The following LONP2 variants were observed in gnomAD, a reference collection of about 807,000 sequenced individuals.
The protein encoded by LONP2 is lon protease homolog 2, peroxisomal.
Under a neutral mutation model 85.6 loss-of-function variants are expected in LONP2, and 60 were observed. The ratio of observed to expected loss-of-function variants is 0.70; its 90% CI spans 0.57 to 0.87. The LOEUF is 0.87. Ranked by LOEUF, LONP2 falls within the 40% of genes least tolerant of loss-of-function variation. The pLI, the probability that LONP2 is intolerant of heterozygous loss-of-function variation, is 0.00. For synonymous variants in LONP2, 395 were observed against 389.7 expected, an observed-to-expected ratio of 1.01 and a Z score of -0.16; for missense variants, 860 against 1,063.5, an observed-to-expected ratio of 0.81 and a Z score of 2.66.
intron 11 of LONP2, among the ~76,000 whole-genome samples, chr16:48,312,735 A>G (rs2151008871): frequency 6.6e-6 from 1 of 152,282 alleles, no homozygotes; most frequent in Non-Finnish European, 1.5e-5. Context: ...GTATCAATAG[A>G]TGTTGTAATG....
At chr16:48,349,088 G>A (rs1448166923) in intron 14 of LONP2, among the ~76,000 whole-genome samples, 3 of 151,956 alleles carry the variant, frequency 2.0e-5, no homozygotes, top group Non-Finnish European at 2.9e-5. Flanking sequence ...TATACATGTG[G>A]GGTCTTGAGG....
intron 11 of LONP2, among the ~76,000 whole-genome samples, chr16:48,304,174 T>G (rs1972864975): frequency 6.6e-6 from 1 of 152,230 alleles, no homozygotes; most frequent in African/African-American, 2.4e-5. Flanking sequence ...CAGTTAAGTC[T>G]TTAAATAATT....
Position 48,244,436 on chromosome 16 carries a change from G to T in LONP2, c.48G>T (p.Leu16=). ...PIQIPSRLPL[L]LTHEGVLLPG... is the part of the protein sequence containing the mutation. ...AGATCCCCAGTCGCCTCCCGCTGCT[G>T]CTCACCCACGAGGGCGTCCTGCTGC... Residue 16 remains leucine (L), a synonymous_variant, in exon 1 of 15, where the codon CTG becomes CTT. Transcript: ENST00000285737. The T allele has an allele frequency of 6.3e-7, 1 of 1,593,586 alleles. No homozygotes were observed. The highest frequency in any genetic ancestry group is 8.5e-7 in the Non-Finnish European group (1 of 1,174,606).
chr16:48,351,538 G>C, intron 14 of LONP2, 43 bp from the exon 15 acceptor site: 1 of 1,519,362 alleles, frequency 6.6e-7, no homozygotes, highest in Non-Finnish European at 9.1e-7. Flanking sequence ...CTTTCAGCTT[G>C]AGGGTGATCA....
At chr16:48,327,658 A>G (rs771049799) in intron 11 of LONP2, among the ~76,000 whole-genome samples, 4 of 152,086 alleles carry the variant, frequency 2.6e-5, no homozygotes, top group Non-Finnish European at 5.9e-5. Context: ...GGGTTTCACC[A>G]TGTTGGCCAG....
At chr16:48,359,522 C>T (rs1960495558), downstream of LONP2, among the ~76,000 whole-genome samples, 1 of 152,090 alleles carries the variant, frequency 6.6e-6, no homozygotes, top group South Asian at 2.1e-4. Context: ...TTGAGAACAT[C>T]TTGGCCAACA....
Position 48,299,804 on chromosome 16 carries a change from T to C in LONP2, c.1661+16T>C. The C allele has an allele frequency of 6.2e-7, 1 of 1,605,284 alleles. No homozygotes were observed. The highest frequency in any genetic ancestry group is 8.5e-7 in the Non-Finnish European group (1 of 1,177,070). The stretch of plus-strand genomic sequence containing the variant: ...TCATCACCAGGTTAGTTAGCCATCC[T>C]GAGGCTTCATTAACTCCAGGCAACT... On this transcript the variant is annotated intron_variant, in intron 10 of 14. Coordinates refer to ENST00000285737, the MANE Select transcript of LONP2 (RefSeq NM_031490.5).
intron 11 of LONP2, among the ~76,000 whole-genome samples, chr16:48,326,638 C>T (rs1332746271): frequency 1.3e-5 from 2 of 152,162 alleles, no homozygotes; most frequent in Non-Finnish European, 2.9e-5. Flanking sequence ...TCTGGCCTCC[C>T]TGCTACTTGC....
chr16:48,307,124 C>G (rs1972927068), intron 11 of LONP2, among the ~76,000 whole-genome samples: 2 of 152,080 alleles, frequency 1.3e-5, no homozygotes, highest in Admixed American at 1.3e-4. Context: ...GTTAAAGAGA[C>G]TAAATAATAG....
At chr16:48,334,058 G>A (rs1959557649) in intron 11 of LONP2, among the ~76,000 whole-genome samples, 158 bp from the exon 12 acceptor site, 1 of 152,198 alleles carries the variant, frequency 6.6e-6, no homozygotes, top group African/African-American at 2.4e-5. Flanking sequence ...TATTTCACCT[G>A]CATTCCACAG....
intron 8 of LONP2, 99 bp downstream of exon 8, chr16:48,277,578 G>A: frequency 8.4e-7 from 1 of 1,191,900 alleles, no homozygotes; most frequent in South Asian, 2.0e-5. Flanking sequence ...TGTAGCTTTA[G>A]TTATGGGAAA....
intron 6 of LONP2, among the ~76,000 whole-genome samples, chr16:48,268,091 T>C (rs1972028723): frequency 6.6e-6 from 1 of 152,152 alleles, no homozygotes; most frequent in African/African-American, 2.4e-5. Flanking sequence ...AATAAGGAAA[T>C]TTATATTGAA....
Position 48,252,258 on chromosome 16 carries a change from A to T in LONP2, c.361A>T (p.Ile121Phe), listed in dbSNP as rs781312483. 4.3e-6 allele frequency: 7 copies of T among 1,614,172 alleles called. No individual in the cohort carries two copies. The highest frequency in any genetic ancestry group is 1.6e-4 in the Middle Eastern group (1 of 6,062). Reference sequence around the variant, plus strand: ...GGTCTTAAAAGAGAAGCCATATCCCATTGCTGAAGTGGAGCAGTTGGACCG... The same window carrying T: ...GGTCTTAAAAGAGAAGCCATATCCCTTTGCTGAAGTGGAGCAGTTGGACCG... ...VQVLKEKPYP[I>F]AEVEQLDRLE... Residue 121 changes from isoleucine (I) to phenylalanine (F), a missense_variant, in exon 2 of 15, where the codon ATT becomes TTT. Coordinates refer to ENST00000285737, the MANE Select transcript of LONP2 (RefSeq NM_031490.5).
In LONP2 at chr16:48,256,707, C is replaced by T. The variant is rs1441823083; in HGVS notation, c.566C>T (p.Ser189Leu). The change falls in exon 3 of 15, where the codon TCA (serine) becomes TTA (leucine). Residue 189 changes from serine to leucine, a missense_variant. Physicochemically the swap from Ser to Leu is moderately radical, Grantham distance 145. Around this residue, in one of 3 missense-constraint regions of LONP2, gnomAD observed 743 missense variants for 917.3 expected, o/e 0.81. Coordinates refer to ENST00000285737, the MANE Select transcript of LONP2 (RefSeq NM_031490.5). The stretch of plus-strand genomic sequence containing the variant: ...GAAGCTTTACCAGACATCTTGACAT[C>T]AATTATCCGAACAAGCAACAAAGAG... The part of the protein sequence containing the change: ...PREALPDILT[S>L]IIRTSNKEKL... 6.2e-7 allele frequency: 1 copy of T among 1,613,778 alleles called. No individual in the cohort carries two copies. The highest frequency in any genetic ancestry group is 8.5e-7 in the Non-Finnish European group (1 of 1,179,920).
intron 8 of LONP2, among the ~76,000 whole-genome samples, chr16:48,288,114 T>C (rs1216777774): frequency 1.3e-5 from 2 of 151,910 alleles, no homozygotes; most frequent in Non-Finnish European, 2.9e-5. Flanking sequence ...AGTAGTAATA[T>C]ATATGTAAAT....
At position 48,275,071 on chromosome 16, in the gene LONP2, C is replaced by G. The variant is rs193108259; in HGVS notation, c.1242-2267C>G. Among the ~76,000 whole-genome samples the G allele has an allele frequency of 2.5e-3, 379 of 152,180 alleles. 2 individuals carry two copies. The highest frequency in any genetic ancestry group is 2.3e-3 in the Non-Finnish European group (155 of 67,994). On this transcript the variant is annotated intron_variant, in intron 7 of 14. Transcript: ENST00000285737. Reference sequence around the variant, plus strand: ...AAATTCAGGTGTACTGAATTCTGCTCTTGTGCTTTTTCCAGGAAACCAGAA... The same window carrying G: ...AAATTCAGGTGTACTGAATTCTGCTGTTGTGCTTTTTCCAGGAAACCAGAA...
At position 48,256,622 on chromosome 16, in the gene LONP2, T is replaced by A. The variant is rs541834463; in HGVS notation, c.481T>A (p.Leu161Met). Reference protein sequence around the residue: ...YKYAVQLVEMLDMSVPAVAKL... With the variant: ...YKYAVQLVEMMDMSVPAVAKL... Reference sequence around the variant, plus strand: ...TTCCCCCTTCTAGTTGGTTGAAATGTTGGATATGTCTGTCCCTGCAGTTGC... The same window carrying A: ...TTCCCCCTTCTAGTTGGTTGAAATGATGGATATGTCTGTCCCTGCAGTTGC... Residue 161 changes from leucine to methionine, a missense_variant, in exon 3 of 15, where the codon TTG becomes ATG. Physicochemically the swap from Leu to Met is conservative, Grantham distance 15. Coordinates refer to ENST00000285737, the MANE Select transcript of LONP2 (RefSeq NM_031490.5). 6.2e-7 allele frequency: 1 copy of A among 1,612,632 alleles called. No individual in the cohort carries two copies. Among genetic ancestry groups the A allele is most frequent in the South Asian group, 1.1e-5 (1 of 90,728 alleles).
At chr16:48,336,946 G>C (rs1959666543) in intron 12 of LONP2, among the ~76,000 whole-genome samples, 1 of 152,162 alleles carries the variant, frequency 6.6e-6, no homozygotes, top group African/African-American at 2.4e-5. Context: ...ACCTGTAGTG[G>C]TCTGATGACC....
At chr16:48,331,546 T>C (rs577670498) in intron 11 of LONP2, among the ~76,000 whole-genome samples, 2 of 152,150 alleles carry the variant, frequency 1.3e-5, no homozygotes, top group East Asian at 3.9e-4. Context: ...CATTGCTCTT[T>C]GCCGTCTCCA....
Sources: gnomAD v4.1 joint callset for allele counts (sites outside exome capture counted in the v4.1 genomes callset) on GRCh38, gnomAD v4.1.1 for gene constraint, gnomAD v4.1.1 regional missense constraint, MANE v1.5 for transcripts, NCBI Gene and HGNC (gene_info 2026-07-23, HGNC 2026-07-21) for gene names.